GALNT7: variants seen among roughly 807,000 people sequenced by gnomAD.
GALNT7 encodes the protein N-acetylgalactosaminyltransferase 7.
Under a neutral mutation model 82.1 loss-of-function variants are expected in GALNT7, and 60 were observed. The observed-to-expected ratio is 0.73, with a 90% CI of 0.59 to 0.91. The LOEUF (loss-of-function observed/expected upper bound fraction) is 0.91. Among genes scored for constraint, GALNT7 ranks in the 40% least tolerant of loss-of-function variants. The pLI, the probability that GALNT7 is intolerant of heterozygous loss-of-function variation, is 0.00. For missense variants in GALNT7, 660 were observed against 804.2 expected (o/e 0.82, Z 2.17); for synonymous variants, 243 against 275.1 (o/e 0.88, Z 1.15).
intron 1 of GALNT7, among the ~76,000 whole-genome samples, chr4:173,175,001 G>C (rs1301446368): frequency 6.6e-6 from 1 of 152,172 alleles, no homozygotes; most frequent in Non-Finnish European, 1.5e-5. Flanking sequence ...ATTCACGAAT[G>C]AAAAGCAAAA....
At chr4:173,315,463 G>C (rs1737563707) in intron 9 of GALNT7, among the ~76,000 whole-genome samples, 1 of 152,138 alleles carries the variant, frequency 6.6e-6, no homozygotes, top group Non-Finnish European at 1.5e-5. Context: ...CTGGAGATGT[G>C]CATTTGGGGC....
At chr4:173,289,265 C>T (rs951201103) in intron 2 of GALNT7, among the ~76,000 whole-genome samples, 5 of 152,176 alleles carry the variant, frequency 3.3e-5, no homozygotes, top group African/African-American at 1.2e-4. Context: ...CTGATGATCC[C>T]TTCTTCCTGC....
chr4:173,311,742 T>C (rs932277156), intron 8 of GALNT7, among the ~76,000 whole-genome samples: 1 of 152,194 alleles, frequency 6.6e-6, no homozygotes, highest in African/African-American at 2.4e-5. Flanking sequence ...GGGATTATAA[T>C]TGGTCCTGAA....
At chr4:173,190,316 A>T (rs563582680) in intron 1 of GALNT7, among the ~76,000 whole-genome samples, 2 of 152,362 alleles carry the variant, frequency 1.3e-5, no homozygotes, top group East Asian at 3.9e-4. Context: ...CAGTATCTTT[A>T]TTCTAGGTAG....
At chr4:173,251,701 G>A (rs936487074) in intron 2 of GALNT7, among the ~76,000 whole-genome samples, 6 of 151,964 alleles carry the variant, frequency 3.9e-5, no homozygotes, top group South Asian at 4.1e-4. Context: ...GTTCTGTCCC[G>A]TGTTCTTTCC....
At chr4:173,279,166 G>A (rs1371692685) in intron 2 of GALNT7, among the ~76,000 whole-genome samples, 2 of 152,184 alleles carry the variant, frequency 1.3e-5, no homozygotes, top group African/African-American at 2.4e-5. Flanking sequence ...TCTGCAGGCT[G>A]TACAAGCATG....
chr4:173,312,690 C>G (rs1737431063), intron 8 of GALNT7, among the ~76,000 whole-genome samples: 1 of 152,196 alleles, frequency 6.6e-6, no homozygotes, highest in African/African-American at 2.4e-5. Context: ...TCAATTAAAG[C>G]TTTAAAAGCT....
intron 6 of GALNT7, chr4:173,298,510 G>A (rs1275445481): frequency 2.4e-6 from 1 of 423,186 alleles, no homozygotes; most frequent in African/African-American, 2.1e-5. Context: ...CTACTGAGAC[G>A]TACACACTTT....
intron 1 of GALNT7, among the ~76,000 whole-genome samples, chr4:173,209,601 T>G (rs1209779724): frequency 6.6e-6 from 1 of 152,228 alleles, no homozygotes; most frequent in Non-Finnish European, 1.5e-5. Flanking sequence ...ACCTGACACC[T>G]GCTAGTACCT....
chr4:173,246,293 G>T (rs371966187), intron 1 of GALNT7, among the ~76,000 whole-genome samples: 2 of 152,150 alleles, frequency 1.3e-5, no homozygotes, highest in African/African-American at 4.8e-5. Context: ...TGATGTTTAT[G>T]TTTGTCCTTT....
intron 1 of GALNT7, among the ~76,000 whole-genome samples, chr4:173,219,519 T>C (rs377660492): frequency 8.5e-5 from 13 of 152,230 alleles, no homozygotes; most frequent in African/African-American, 3.1e-4. Flanking sequence ...GGTGTGGGAT[T>C]GCTGGATCAA....
intron 1 of GALNT7, among the ~76,000 whole-genome samples, chr4:173,206,725 G>C (rs983016873): frequency 6.6e-6 from 1 of 152,182 alleles, no homozygotes; most frequent in Non-Finnish European, 1.5e-5. Context: ...AACTGTCCTT[G>C]AGTCTGCACC....
chr4:173,219,249 C>A (rs1198026112), intron 1 of GALNT7, among the ~76,000 whole-genome samples: 1 of 152,092 alleles, frequency 6.6e-6, no homozygotes. Flanking sequence ...TCCTGAGTTA[C>A]TTCACTTACT....
intron 1 of GALNT7, among the ~76,000 whole-genome samples, chr4:173,177,075 A>C (rs2078475): frequency 0.25 from 38,002 of 152,102 alleles, 5,335 homozygotes; most frequent in Admixed American, 0.34. Flanking sequence ...GAAGGAATAC[A>C]GCTGTCCAAA....
At chr4:173,314,274 A>G in intron 9 of GALNT7, 98 bp downstream of exon 9, 2 of 848,928 alleles carry the variant, frequency 2.4e-6, no homozygotes. Flanking sequence ...TTCTTGGGGA[A>G]AAGTTGGGGT....
chr4:173,240,588 C>G (rs1191835841), intron 1 of GALNT7, among the ~76,000 whole-genome samples: 1 of 151,894 alleles, frequency 6.6e-6, no homozygotes, highest in African/African-American at 2.4e-5. Flanking sequence ...AGGCTGGTCT[C>G]GAACTCCAGA....
intron 1 of GALNT7, 130 bp downstream of exon 1, chr4:173,169,091 G>A: frequency 8.8e-6 from 7 of 798,682 alleles, no homozygotes; most frequent in East Asian, 3.3e-5. Context: ...GGTGGTGCTG[G>A]CGCAGCGCGG....
chr4:173,217,540 T>G (rs1029446149), intron 1 of GALNT7, among the ~76,000 whole-genome samples: 3 of 152,212 alleles, frequency 2.0e-5, no homozygotes, highest in African/African-American at 7.2e-5. Context: ...AAAACAATTT[T>G]CTACGAAAGA....
At chr4:173,169,481 G>C (rs1032779551) in intron 1 of GALNT7, 4 of 151,334 alleles carry the variant, frequency 2.6e-5, no homozygotes, top group African/African-American at 7.3e-5. Flanking sequence ...GCAGCCGCCC[G>C]TCTGGGGGTG....
Sources: allele counts gnomAD v4.1 joint callset (sites outside exome capture counted in the v4.1 genomes callset), GRCh38; gene constraint gnomAD v4.1.1; transcripts MANE v1.5; gene names NCBI Gene and HGNC (gene_info 2026-07-23, HGNC 2026-07-21).